TNS3: variants seen among roughly 807,000 people sequenced by gnomAD.
The protein encoded by TNS3 is tensin 3.
In TNS3, 45 loss-of-function variants were observed where a neutral mutation model predicts 140.9. The ratio of observed to expected loss-of-function variants is 0.32; its 90% CI spans 0.25 to 0.41. The LOEUF (loss-of-function observed/expected upper bound fraction) is 0.41. TNS3 is among the 10% of genes least tolerant of loss of function. The pLI is 1.00. For missense variants in TNS3, 1,716 were observed against 1,906.7 expected (o/e 0.90, Z 1.86); for synonymous variants, 815 against 788.4 (o/e 1.03, Z -0.56).
chr7:47,314,322 G>A (rs1306169658), intron 20 of TNS3, among the ~76,000 whole-genome samples: 4 of 152,200 alleles, frequency 2.6e-5, no homozygotes, highest in Non-Finnish European at 4.4e-5. Context: ...CCTTAGGTCT[G>A]CACAGCTCCT....
rs550209912 is a variant in TNS3, at chr7:47,477,004, C to T, written c.-76+4099G>A. Among the ~76,000 whole-genome samples, 10 of 152,262 alleles carry T rather than the reference C, an allele frequency of 6.6e-5. No individual in the cohort carries two copies. In the East Asian group the frequency reaches 1.2e-3, roughly 18 times the overall value. ...CAGGTAAATAGCCACGGGTTCAATG[C>T]GCCACAATCACGGAAAAGGTTCCTT... On this transcript the variant is annotated intron_variant, in intron 4 of 30. Coordinates refer to ENST00000311160, the MANE Select transcript of TNS3 (RefSeq NM_022748.12).
At chr7:47,565,227 A>G (rs1435008333) in intron 1 of TNS3, among the ~76,000 whole-genome samples, 2 of 151,582 alleles carry the variant, frequency 1.3e-5, no homozygotes, top group East Asian at 1.9e-4. Context: ...ACAGGCGCCC[A>G]CCACCAAGCC....
At chr7:47,367,193 C>T (rs1196992698) in intron 17 of TNS3, among the ~76,000 whole-genome samples, 1 of 152,328 alleles carries the variant, frequency 6.6e-6, no homozygotes, top group South Asian at 2.1e-4. Flanking sequence ...ACAGCCTGGC[C>T]GTCCTCTCCT....
intron 17 of TNS3, among the ~76,000 whole-genome samples, chr7:47,366,624 A>G (rs117840210): frequency 1.4e-4 from 21 of 151,772 alleles, no homozygotes; most frequent in Non-Finnish European, 2.5e-4. Flanking sequence ...GCCACCCCAG[A>G]CCTGAGTCGG....
intron 9 of TNS3, among the ~76,000 whole-genome samples, chr7:47,426,471 G>A (rs1440925392): frequency 6.6e-6 from 1 of 152,208 alleles, no homozygotes; most frequent in Non-Finnish European, 1.5e-5. Context: ...CCATTTAATT[G>A]AAAGGCACTT....
chr7:47,314,333 C>T (rs1348651207), intron 20 of TNS3, among the ~76,000 whole-genome samples: 1 of 152,180 alleles, frequency 6.6e-6, no homozygotes. Context: ...CACAGCTCCT[C>T]GAGATGTGCC....
rs1796461708 is a variant in TNS3 at position 47,460,831 on chromosome 7, G to A, written c.-75-18776C>T. Among the ~76,000 whole-genome samples, 4 of 152,224 alleles carry A rather than the reference G, an allele frequency of 2.6e-5. No individual in the cohort carries two copies. In the South Asian group the frequency reaches 8.3e-4, roughly 31 times the overall value. ...CCAAAATATTGAAGGAGGAGGAACA[G>A]CAGGAGCATCAAGACACAAGATATC... is the stretch of plus-strand genomic sequence containing the variant. On this transcript the variant is annotated intron_variant, in intron 4 of 30. Transcript: ENST00000311160.
chr7:47,553,355 A>G (rs554419540), intron 1 of TNS3, among the ~76,000 whole-genome samples: 124 of 152,374 alleles, frequency 8.1e-4, no homozygotes, highest in Non-Finnish European at 1.5e-3. Context: ...GGAGAAGTCA[A>G]TGTCAAGCTT....
At chr7:47,327,473 G>A (rs1205194633) in intron 20 of TNS3, among the ~76,000 whole-genome samples, 3 of 152,158 alleles carry the variant, frequency 2.0e-5, no homozygotes, top group East Asian at 1.9e-4. Context: ...CCCGCTGCCC[G>A]GGATCCCTCA....
intron 2 of TNS3, among the ~76,000 whole-genome samples, chr7:47,511,543 C>A (rs138685703): frequency 2.0e-5 from 2 of 98,184 alleles, no homozygotes; most frequent in Admixed American, 1.1e-4. Flanking sequence ...TGAATACAAA[C>A]CACACTGACA....
intron 20 of TNS3, among the ~76,000 whole-genome samples, chr7:47,330,976 T>A (rs1161700980): frequency 1.3e-5 from 2 of 152,178 alleles, no homozygotes; most frequent in Non-Finnish European, 2.9e-5. Context: ...GCGAACCTTA[T>A]GTGTGCACAC....
At chr7:47,439,737 G>A (rs17172859) in intron 5 of TNS3, 79 bp from the exon 6 acceptor site, 124,479 of 1,466,850 alleles carry the variant, frequency 0.085, 6,282 homozygotes, top group African/African-American at 0.22. Flanking sequence ...AGGTGAAGAC[G>A]ACGGACACTC....
intron 9 of TNS3, among the ~76,000 whole-genome samples, chr7:47,425,128 G>A (rs1326749002): frequency 6.6e-6 from 1 of 152,220 alleles, no homozygotes; most frequent in Non-Finnish European, 1.5e-5. Context: ...AGACCAGCCT[G>A]GTCAACAGGG....
At chr7:47,450,236 C>A (rs1256252073) in intron 4 of TNS3, among the ~76,000 whole-genome samples, 1 of 152,132 alleles carries the variant, frequency 6.6e-6, no homozygotes, top group African/African-American at 2.4e-5. Context: ...AATAAATGTA[C>A]CCATTGACTT....
intron 17 of TNS3, among the ~76,000 whole-genome samples, chr7:47,350,313 T>G (rs1262495992): frequency 1.3e-5 from 2 of 152,216 alleles, no homozygotes; most frequent in Non-Finnish European, 2.9e-5. Context: ...CACAAATTCT[T>G]CTGTCTCTCG....
At chr7:47,338,518 A>AT (rs201919732) in intron 20 of TNS3, among the ~76,000 whole-genome samples, 5 of 151,882 alleles carry the variant, frequency 3.3e-5, no homozygotes, top group Non-Finnish European at 7.4e-5. Flanking sequence ...CCATTTTCTA[A>AT]TTTTTTTTCC....
chr7:47,278,376 CACTTT>C (rs1221335778), intron 30 of TNS3, 156 bp from the exon 31 acceptor site: 2 of 758,658 alleles, frequency 2.6e-6, no homozygotes, highest in Non-Finnish European at 4.1e-6. Context: ...CCTGTTCATG[CACTTT>C]ACCTCCAGCC....
At chr7:47,531,886 G>GC (rs1209108364) in intron 1 of TNS3, among the ~76,000 whole-genome samples, 2 of 152,158 alleles carry the variant, frequency 1.3e-5, no homozygotes, top group Non-Finnish European at 2.9e-5. Context: ...GGCAGGATCT[G>GC]CCCCCCGGGG....
At chr7:47,516,145 T>C (rs1024955533) in intron 2 of TNS3, among the ~76,000 whole-genome samples, 1 of 152,260 alleles carries the variant, frequency 6.6e-6, no homozygotes, top group African/African-American at 2.4e-5. Context: ...CATATGTGAA[T>C]TATTAGTAGA....
Sources: gnomAD v4.1 joint callset for allele counts (sites outside exome capture counted in the v4.1 genomes callset) on GRCh38, gnomAD v4.1.1 for gene constraint, MANE v1.5 for transcripts, NCBI Gene and HGNC (gene_info 2026-07-23, HGNC 2026-07-21) for gene names.